Variants in ACHE observed in about 807,000 individuals in gnomAD.
ACHE encodes acetylcholinesterase.
ACHE carries 19 observed loss-of-function variants against 53.9 expected under a neutral mutation model. The ratio of observed to expected loss-of-function variants is 0.35; its 90% CI spans 0.25 to 0.52. ACHE has a LOEUF of 0.52. Ranked by LOEUF, ACHE falls within the 20% of genes least tolerant of loss-of-function variation. The pLI is 0.95. For synonymous variants in ACHE, 392 were observed against 378.1 expected (o/e 1.04, Z -0.43); for missense variants, 605 against 849.4 (o/e 0.71, Z 3.58).
In ACHE at chr7:100,890,714, G is replaced by C; in HGVS notation, c.1724-379C>G. ...CCACTTCCCCCCAATGTCAGGCTCA[G>C]GTTCCAAAAGATAATTTTATAAAAG... On this transcript the variant is annotated intron_variant, in intron 4 of 4. Transcript: ENST00000241069. 3.8e-6 allele frequency: 5 copies of C among 1,331,038 alleles called. No individual in the cohort carries two copies. The Admixed American group carries it at 1.8e-4, about 47-fold the overall frequency. 82.5% of individuals were successfully genotyped at this position (1,331,038 alleles called of 1,614,324 possible).
chr7:100,892,944 G>A lies in ACHE; in HGVS notation c.1069-126C>T. The A allele has an allele frequency of 7.5e-7, 1 of 1,324,882 alleles. No individual in the cohort carries two copies. The highest frequency in any genetic ancestry group is 1.0e-6 in the Non-Finnish European group (1 of 991,482). 82.1% of individuals were successfully genotyped at this position (1,324,882 alleles called of 1,614,324 possible). ...ACAGACCCGGAACCATGGACAGAGA[G>A]AGGACGAGATCAGGGGAGGGATGCA... On this transcript the variant is annotated intron_variant, in intron 2 of 4. Transcript: ENST00000241069. This position sits in a 1 kb window ranked among gnomAD's most constrained non-coding sequence, Gnocchi z 5.2.
In ACHE at chr7:100,892,441, G is replaced by T. The variant is rs768103053; in HGVS notation, c.1446C>A (p.Ile482=). Residue 482 remains isoleucine, a synonymous_variant, in exon 3 of 5, where the codon ATC becomes ATA. Coordinates refer to ENST00000241069, the MANE Select transcript of ACHE (RefSeq NM_000665.5). The surrounding 1 kb of genome is among the most constrained non-coding windows in gnomAD (Gnocchi z 5.2). ...CCAGGGGGATCCCAAAGATGAACTC[G>T]ATCTCGTAGCCGTGGGGCACCCCCA... ...LWMGVPHGYE[I]EFIFGIPLDP... is the part of the protein sequence containing the mutation. 2.6e-6 allele frequency: 4 copies of T among 1,547,170 alleles called. No homozygotes were observed. The African/African-American group carries it at 4.1e-5, about 16-fold the overall frequency.
chr7:100,896,410 G>A, upstream of ACHE: 1 of 164,942 alleles, frequency 6.1e-6, no homozygotes, highest in South Asian at 1.0e-4. Context: ...TGGCACGGGT[G>A]CAGAAAAGGT....
At chr7:100,891,961 T>C (rs1790728056) in intron 3 of ACHE, among the ~76,000 whole-genome samples, 1 of 151,886 alleles carries the variant, frequency 6.6e-6, no homozygotes, top group African/African-American at 2.4e-5. Flanking sequence ...TTGTATTTTT[T>C]TTCTTTTTAA....
At chr7:100,894,290 T>C (rs1404884618) in intron 1 of ACHE, 38 bp from the exon 2 acceptor site, 2 of 1,364,398 alleles carry the variant, frequency 1.5e-6, no homozygotes, top group East Asian at 5.4e-5. Flanking sequence ...GAAGGGTCGG[T>C]CGAGAAGCCA....
rs1790781116 is a variant in ACHE, at chr7:100,892,827, G to A, written c.1069-9C>T. ...ACCACACCCACCAGCACCTGGGGGT[G>A]AGGGAGAGGGGGGTGGGATGGAGCG... On this transcript the variant is annotated splice_polypyrimidine_tract_variant and intron_variant, in intron 2 of 4. Coordinates refer to ENST00000241069, the MANE Select transcript of ACHE (RefSeq NM_000665.5). The surrounding 1 kb of genome is among the most constrained non-coding windows in gnomAD (Gnocchi z 5.2). 1 of 1,564,168 alleles carries A rather than the reference G, an allele frequency of 6.4e-7. No homozygotes were observed. Among genetic ancestry groups the A allele is most frequent in the South Asian group, 1.1e-5 (1 of 87,272 alleles).
chr7:100,890,756 T>A, intron 4 of ACHE: 1 of 1,338,392 alleles, frequency 7.5e-7, no homozygotes, highest in Non-Finnish European at 9.6e-7. Flanking sequence ...GGCTTTTCCA[T>A]TTCCATTCAA....
In ACHE at chr7:100,890,216, A is replaced by G; in HGVS notation, c.1843T>C (p.Ter615ArgextTer69). 1 of 1,613,772 alleles carries G rather than the reference A, an allele frequency of 6.2e-7. No individual in the cohort carries two copies. Among genetic ancestry groups the G allele is most frequent in the Non-Finnish European group, 8.5e-7 (1 of 1,179,736 alleles). The change falls in exon 5 of 5, where the codon TGA becomes CGA. Residue 615 changes from the stop codon to arginine (R), a stop_lost. Coordinates refer to ENST00000241069, the MANE Select transcript of ACHE (RefSeq NM_000665.5). Reference sequence around the variant, plus strand: ...AGGACATGGGGGTCCCGCCGGGGTCACAGGTCTGAGCAGCGATCCTGCTTG... The same window carrying G: ...AGGACATGGGGGTCCCGCCGGGGTCGCAGGTCTGAGCAGCGATCCTGCTTG... ...YSKQDRCSDL[*>R]
chr7:100,890,966 G>T, intron 4 of ACHE: 1 of 1,468,434 alleles, frequency 6.8e-7, no homozygotes, highest in Admixed American at 2.8e-5. Flanking sequence ...GTTCACAGCC[G>T]CCGGAGGTGG....
Position 100,890,471 on chromosome 7 carries a change from C to A in ACHE, c.1724-136G>T, listed in dbSNP as rs1012251381. On this transcript the variant is annotated intron_variant, in intron 4 of 4. Transcript: ENST00000241069. ...GAGAAATGCAGGCGACCACGTGGGA[C>A]GGTGGCAAGAGGATCAGGAGAATGT... 1.4e-5 allele frequency: 21 copies of A among 1,465,798 alleles called. No individual in the cohort carries two copies. The African/African-American group carries it at 2.7e-4, about 19-fold the overall frequency. 90.8% of individuals were successfully genotyped at this position (1,465,798 alleles called of 1,614,324 possible). A position where few individuals can be genotyped will look rare whatever the true frequency, so the allele number is the denominator to read the frequency against.
At chr7:100,891,114 C>T (rs569933984) in intron 4 of ACHE, 55 bp downstream of exon 4, 3 of 1,559,764 alleles carry the variant, frequency 1.9e-6, no homozygotes, top group East Asian at 2.4e-5. Context: ...AGGGGTTACA[C>T]CTGGCGGGCT....
At position 100,893,945 on chromosome 7, in the gene ACHE, G is replaced by A. The variant is rs775640750; in HGVS notation, c.288C>T (p.Phe96=). 6.2e-6 allele frequency: 10 copies of A among 1,607,744 alleles called. No individual in the cohort carries two copies. Among genetic ancestry groups the A allele is most frequent in the Non-Finnish European group, 7.6e-6 (9 of 1,176,698 alleles). ...PWSGVVDATT[F]QSVCYQYVDT... ...CCACATATTGGTAGCAGACACTCTGGAAGGTTGTAGCGTCTACCACCCCTG... is the reference window on the plus strand; with the variant it reads ...CCACATATTGGTAGCAGACACTCTGAAAGGTTGTAGCGTCTACCACCCCTG... Residue 96 remains phenylalanine (F), a synonymous_variant, in exon 2 of 5, where the codon TTC becomes TTT. Transcript: ENST00000241069.
chr7:100,894,908 C>A (rs1443616575), intron 1 of ACHE, among the ~76,000 whole-genome samples: 2 of 152,104 alleles, frequency 1.3e-5, no homozygotes, highest in Non-Finnish European at 2.9e-5. Flanking sequence ...CCCGCGTCCC[C>A]CAGGACTCGA....
At chr7:100,891,487 T>C in intron 3 of ACHE, 149 bp from the exon 4 acceptor site, 1 of 731,824 alleles carries the variant, frequency 1.4e-6, no homozygotes, top group Non-Finnish European at 2.0e-6. Context: ...GCGCGGTCAT[T>C]GGGGTCTTCC....
chr7:100,893,756 G>A lies in ACHE; in HGVS notation c.477C>T (p.Ser159=), dbSNP rs1312373132. The A allele has an allele frequency of 5.0e-6, 8 of 1,613,786 alleles. No homozygotes were observed. The highest frequency in any genetic ancestry group is 1.7e-5 in the Admixed American group (1 of 60,028). ...AGCGGCCATCGTACACGTCCAAGGAGGAGGCCCCACTGTAGAAGCCACCCC... is the reference window on the plus strand; with the variant it reads ...AGCGGCCATCGTACACGTCCAAGGAAGAGGCCCCACTGTAGAAGCCACCCC... ...IYGGGFYSGA[S]SLDVYDGRFL... is the part of the protein sequence containing the mutation. Residue 159 remains serine (S), a synonymous_variant, in exon 2 of 5, where the codon TCC becomes TCT. Coordinates refer to ENST00000241069, the MANE Select transcript of ACHE (RefSeq NM_000665.5).
chr7:100,892,275 G>GTGTCCTCCCGCCCCCGACTCC lies in ACHE; in HGVS notation c.1553+38_1553+58dup. The GTGTCCTCCCGCCCCCGACTCC allele has an allele frequency of 6.8e-7, 1 of 1,468,364 alleles. No homozygotes were observed. Among genetic ancestry groups the GTGTCCTCCCGCCCCCGACTCC allele is most frequent in the South Asian group, 1.5e-5 (1 of 64,784 alleles). The allele number at this position is 1,468,364 out of a possible 1,614,324, so 91.0% of individuals were successfully genotyped here. A position where few individuals can be genotyped will look rare whatever the true frequency, so the allele number is the denominator to read the frequency against. Reference sequence around the variant, plus strand: ...TCTGTCTCCGTGTGTCTGCCTTTGTGTGTCCTCCCGCCCCCGACTCCTGTC... The same window carrying GTGTCCTCCCGCCCCCGACTCC: ...TCTGTCTCCGTGTGTCTGCCTTTGTGTGTCCTCCCGCCCCCGACTCCTGTCCTCCCGCCCCCGACTCCTGTC... On this transcript the variant is annotated intron_variant, in intron 3 of 4. Coordinates refer to ENST00000241069, the MANE Select transcript of ACHE (RefSeq NM_000665.5). The surrounding 1 kb of genome is among the most constrained non-coding windows in gnomAD (Gnocchi z 5.2).
intron 1 of ACHE, 96 bp downstream of exon 1, chr7:100,895,706 G>C (rs1167211598): frequency 6.6e-6 from 1 of 152,550 alleles, no homozygotes. Flanking sequence ...GGGGAAGCGG[G>C]AGCCGTCCCG....
At chr7:100,890,784 G>A (rs1376995474) in intron 4 of ACHE, 3 of 1,356,360 alleles carry the variant, frequency 2.2e-6, no homozygotes, top group African/African-American at 1.5e-5. Context: ...AGGCGTGGGG[G>A]TCCCTGAGAA....
chr7:100,895,551 C>CG (rs887844806), intron 1 of ACHE, among the ~76,000 whole-genome samples: 78 of 152,248 alleles, frequency 5.1e-4, no homozygotes, highest in African/African-American at 1.8e-3. Context: ...AAGGGGTGCT[C>CG]GGGGGTCCCC....
Sources: gnomAD v4.1 joint callset for allele counts (sites outside exome capture counted in the v4.1 genomes callset) on GRCh38, gnomAD v4.1.1 for gene constraint, Gnocchi (gnomAD v3.1) non-coding constraint, MANE v1.5 for transcripts, NCBI Gene and HGNC (gene_info 2026-07-23, HGNC 2026-07-21) for gene names.